The following KAZN variants were observed in gnomAD, a reference collection of about 807,000 sequenced individuals.
The protein encoded by KAZN is kazrin, periplakin interacting protein.
A neutral mutation model predicts 87.4 loss-of-function variants in KAZN; 40 were observed. The ratio of observed to expected loss-of-function variants is 0.46; its 90% CI spans 0.36 to 0.60. The LOEUF (loss-of-function observed/expected upper bound fraction) is 0.60. KAZN is among the 20% of genes least tolerant of loss of function. The pLI is 0.00. For synonymous variants in KAZN, 466 were observed against 458.3 expected (o/e 1.02, Z -0.22); for missense variants, 898 against 1,073.9 (o/e 0.84, Z 2.29).
intron 2 of KAZN, among the ~76,000 whole-genome samples, chr1:14,335,446 G>A (rs188432564): frequency 8.4e-4 from 128 of 151,984 alleles, no homozygotes; most frequent in African/African-American, 2.4e-3. Flanking sequence ...CAGGTGATCC[G>A]TCCACCTCAG....
At chr1:14,487,682 A>C (rs2148402694) in intron 2 of KAZN, among the ~76,000 whole-genome samples, 1 of 152,344 alleles carries the variant, frequency 6.6e-6, no homozygotes, top group Middle Eastern at 3.4e-3. Context: ...ATGCGGGAAT[A>C]CCTTTCGGAG....
chr1:14,872,765 C>T (rs1209919995), intron 1 of KAZN, among the ~76,000 whole-genome samples: 1 of 151,220 alleles, frequency 6.6e-6, no homozygotes, highest in South Asian at 2.1e-4. Context: ...GATGGATGGA[C>T]AAGTGGACAG....
intron 1 of KAZN, among the ~76,000 whole-genome samples, chr1:14,673,618 G>T (rs1206630764): frequency 6.6e-6 from 1 of 152,196 alleles, no homozygotes; most frequent in Non-Finnish European, 1.5e-5. Context: ...TCCATCAGCT[G>T]CTGTTGGATC....
chr1:14,241,698 G>C (rs572249540), intron 2 of KAZN, among the ~76,000 whole-genome samples: 39 of 152,232 alleles, frequency 2.6e-4, no homozygotes, highest in Middle Eastern at 3.4e-3. Context: ...GGAGAGAGAG[G>C]CTCAAAGAGG....
rs1462141506 is a variant in KAZN at position 15,021,126 on chromosome 1, C to A, written c.419-13623C>A. On this transcript the variant is annotated intron_variant, in intron 2 of 14. Coordinates refer to ENST00000376030, the MANE Select transcript of KAZN (RefSeq NM_201628.3). This position sits in a 1 kb window ranked among gnomAD's most constrained non-coding sequence, Gnocchi z 4.2. Reference sequence around the variant, plus strand: ...AACCCAGAGAGGGTGCCTGAGTTCCCAAGGCCACACAGCATGCGGGTTTGC... The same window carrying A: ...AACCCAGAGAGGGTGCCTGAGTTCCAAAGGCCACACAGCATGCGGGTTTGC... Among the ~76,000 whole-genome samples, 1 of 152,122 alleles carries A rather than the reference C, an allele frequency of 6.6e-6. No individual in the cohort carries two copies. The highest frequency in any genetic ancestry group is 1.5e-5 in the Non-Finnish European group (1 of 68,022).
intron 1 of KAZN, among the ~76,000 whole-genome samples, chr1:14,628,818 A>AAG (rs1160978883): frequency 6.6e-6 from 1 of 150,892 alleles, no homozygotes; most frequent in Non-Finnish European, 1.5e-5. Flanking sequence ...ACAAAACCGG[A>AAG]AGCACTGTCA....
chr1:14,234,887 C>T (rs1412174510), intron 2 of KAZN, among the ~76,000 whole-genome samples: 1 of 152,218 alleles, frequency 6.6e-6, no homozygotes, highest in African/African-American at 2.4e-5. Flanking sequence ...TGCTGCAATT[C>T]TATCTGGTTG....
intron 1 of KAZN, among the ~76,000 whole-genome samples, chr1:14,151,888 T>C (rs1645481314): frequency 6.6e-6 from 1 of 152,054 alleles, no homozygotes; most frequent in South Asian, 2.1e-4. Flanking sequence ...TGGTATGACA[T>C]TATGTAATTA....
chr1:14,575,051 G>C (rs1405980886), intron 2 of KAZN, among the ~76,000 whole-genome samples: 2 of 152,184 alleles, frequency 1.3e-5, no homozygotes, highest in East Asian at 3.9e-4. Flanking sequence ...GGCTGGTTCA[G>C]ATGGACCCTT....
At chr1:13,897,162 T>C (rs1338723136) in intron 1 of KAZN, among the ~76,000 whole-genome samples, 1 of 152,232 alleles carries the variant, frequency 6.6e-6, no homozygotes, top group African/African-American at 2.4e-5. Flanking sequence ...CCCATTTATG[T>C]ACATTTTGTC....
intron 4 of KAZN, among the ~76,000 whole-genome samples, chr1:15,051,780 G>C (rs975972161): frequency 6.6e-6 from 1 of 152,124 alleles, no homozygotes; most frequent in Admixed American, 6.5e-5. Flanking sequence ...AACTCCAGAG[G>C]GTGCTGCTTA....
chr1:14,548,862 A>T lies in KAZN; in HGVS notation c.250-50121A>T, dbSNP rs1015702597. On this transcript the variant is annotated intron_variant, in intron 2 of 16. Coordinates refer to the KAZN transcript ENST00000636203. Reference sequence around the variant, plus strand: ...ACAGGCACGGAATTGTTGGGTGTTAAGATATTAGCTCCTTTTATCTCTATG... The same window carrying T: ...ACAGGCACGGAATTGTTGGGTGTTATGATATTAGCTCCTTTTATCTCTATG... Among the ~76,000 whole-genome samples, 11 of 152,358 alleles carry T rather than the reference A, an allele frequency of 7.2e-5. No individual in the cohort carries two copies. The East Asian group carries it at 1.5e-3, about 21-fold the overall frequency.
chr1:14,715,568 C>T (rs1018987180), intron 1 of KAZN, among the ~76,000 whole-genome samples: 1 of 152,126 alleles, frequency 6.6e-6, no homozygotes, highest in South Asian at 2.1e-4. Context: ...GCTTGATGTT[C>T]GGGGGCTGGC....
intron 2 of KAZN, among the ~76,000 whole-genome samples, chr1:14,423,728 G>A (rs1665559395): frequency 6.6e-6 from 1 of 152,168 alleles, no homozygotes; most frequent in African/African-American, 2.4e-5. Context: ...TGGCTCAGAT[G>A]GAACTTCCCT....
At chr1:14,128,143 G>A (rs1194333574) in intron 1 of KAZN, among the ~76,000 whole-genome samples, 1 of 152,152 alleles carries the variant, frequency 6.6e-6, no homozygotes, top group Admixed American at 6.5e-5. Flanking sequence ...AAATCAGGAG[G>A]CCAGGAGCTC....
intron 2 of KAZN, among the ~76,000 whole-genome samples, chr1:14,384,838 G>A (rs1433692110): frequency 3.9e-5 from 6 of 152,018 alleles, no homozygotes; most frequent in Non-Finnish European, 5.9e-5. Context: ...CATAAAATGA[G>A]TTAGGGAGGA....
At chr1:14,552,514 C>T (rs1367329066) in intron 2 of KAZN, among the ~76,000 whole-genome samples, 1 of 152,238 alleles carries the variant, frequency 6.6e-6, no homozygotes, top group African/African-American at 2.4e-5. Context: ...AAACTGCTCC[C>T]TGTATTTTCT....
At chr1:14,907,413 A>C (rs1383555003) in intron 1 of KAZN, among the ~76,000 whole-genome samples, 2 of 151,934 alleles carry the variant, frequency 1.3e-5, no homozygotes, top group Admixed American at 6.5e-5. Flanking sequence ...AAAAAAAAAA[A>C]AAAACAAAAA....
chr1:13,899,001 C>G (rs994009087), intron 1 of KAZN, among the ~76,000 whole-genome samples: 6 of 152,172 alleles, frequency 3.9e-5, no homozygotes, highest in Non-Finnish European at 5.9e-5. Context: ...CGAAGATGAG[C>G]AAAGAAGCAA....
Sources: allele counts gnomAD v4.1 joint callset (sites outside exome capture counted in the v4.1 genomes callset), GRCh38; gene constraint gnomAD v4.1.1; non-coding constraint Gnocchi (gnomAD v3.1); transcripts MANE v1.5; gene names NCBI Gene and HGNC (gene_info 2026-07-23, HGNC 2026-07-21).